The following SLC24A2 variants were observed in gnomAD, a reference collection of about 807,000 sequenced individuals.
SLC24A2 encodes the protein sodium/potassium/calcium exchanger 2.
A neutral mutation model predicts 62.0 loss-of-function variants in SLC24A2; 36 were observed. That is an observed-to-expected ratio of 0.58 (90% confidence interval 0.44 to 0.77). The LOEUF is 0.77. SLC24A2 is among the 30% of genes least tolerant of loss of function. The pLI, the probability that SLC24A2 is intolerant of heterozygous loss-of-function variation, is 0.00. For synonymous variants in SLC24A2, 358 were observed against 294.0 expected, an observed-to-expected ratio of 1.22 and a Z score of -2.23; for missense variants, 846 against 817.9, an observed-to-expected ratio of 1.03 and a Z score of -0.42.
chr9:19,524,371 G>C (rs1586887974), intron 9 of SLC24A2, among the ~76,000 whole-genome samples: 1 of 142,294 alleles, frequency 7.0e-6, no homozygotes, highest in African/African-American at 2.6e-5. Context: ...ATTTATTAAA[G>C]TGCAAAAACA....
intron 2 of SLC24A2, among the ~76,000 whole-genome samples, chr9:19,630,574 C>G (rs1472883836): frequency 6.6e-6 from 1 of 152,020 alleles, no homozygotes; most frequent in African/African-American, 2.4e-5. Flanking sequence ...ATTAATATAG[C>G]AGATTAATTC....
the SLC24A2 span, among the ~76,000 whole-genome samples, chr9:19,959,712 A>T: frequency 2.6e-5 from 4 of 152,204 alleles, no homozygotes; most frequent in Admixed American, 6.5e-5. Context: ...CCTCAAACAC[A>T]AGACTCTTAT....
intron 2 of SLC24A2, among the ~76,000 whole-genome samples, chr9:19,655,877 C>T (rs950082710): frequency 6.6e-6 from 1 of 152,062 alleles, no homozygotes; most frequent in Non-Finnish European, 1.5e-5. Context: ...GTGATGTCTT[C>T]CACAGGTATG....
At chr9:19,725,463 C>A (rs2208548) in intron 2 of SLC24A2, among the ~76,000 whole-genome samples, 2 of 151,974 alleles carry the variant, frequency 1.3e-5, no homozygotes, top group South Asian at 4.1e-4. Context: ...CTTAGGATGA[C>A]ATGCATACAA....
rs1820355173 is a variant in SLC24A2 at position 19,701,486 on chromosome 9, A to G, written c.931-79187T>C. 3.9e-5 allele frequency among the ~76,000 whole-genome samples: 6 copies of G among 152,238 alleles called. No homozygotes were observed. The South Asian group carries it at 1.2e-3, about 31-fold the overall frequency. On this transcript the variant is annotated intron_variant, in intron 2 of 10. Transcript: ENST00000341998. ...GTGGAAGAACTCTGAGCTGTGTTGT[A>G]TTAGTTTCCTACTGTTGCTGTAAAA... is the stretch of plus-strand genomic sequence containing the variant.
the SLC24A2 span, among the ~76,000 whole-genome samples, chr9:19,830,985 G>T: frequency 6.6e-6 from 1 of 152,134 alleles, no homozygotes; most frequent in Non-Finnish European, 1.5e-5. Context: ...GCAGTGTTGC[G>T]ACATCCTCCA....
intron 2 of SLC24A2, among the ~76,000 whole-genome samples, chr9:19,709,691 T>G (rs1370942072): frequency 7.2e-6 from 1 of 138,110 alleles, no homozygotes; most frequent in Non-Finnish European, 1.5e-5. Flanking sequence ...CACTCATAGG[T>G]GCTGAACAAT....
chr9:20,051,910 G>A, the SLC24A2 span, among the ~76,000 whole-genome samples: 2 of 151,876 alleles, frequency 1.3e-5, no homozygotes, highest in Non-Finnish European at 2.9e-5. Flanking sequence ...GTCTTACTGA[G>A]AAGAATCCTT....
chr9:20,218,938 T>C, the SLC24A2 span, among the ~76,000 whole-genome samples: 1 of 152,088 alleles, frequency 6.6e-6, no homozygotes. Context: ...GCAGAATGAT[T>C]TTGTGTATGC....
chr9:20,163,745 C>T, the SLC24A2 span, among the ~76,000 whole-genome samples: 1 of 152,126 alleles, frequency 6.6e-6, no homozygotes, highest in Non-Finnish European at 1.5e-5. Context: ...TACAAGGCTA[C>T]AGTAACCAAA....
chr9:19,932,827 C>T, the SLC24A2 span, among the ~76,000 whole-genome samples: 1 of 152,326 alleles, frequency 6.6e-6, no homozygotes, highest in East Asian at 1.9e-4. Flanking sequence ...GAGAGCCATA[C>T]ACCTTATGCC....
the SLC24A2 span, among the ~76,000 whole-genome samples, chr9:19,829,755 T>TTATA: frequency 3.1e-5 from 4 of 127,520 alleles, no homozygotes; most frequent in African/African-American, 1.1e-4. Flanking sequence ...ACTTAAAGTT[T>TTATA]TATATATATA....
the SLC24A2 span, among the ~76,000 whole-genome samples, chr9:20,234,952 C>G: frequency 6.6e-6 from 1 of 152,184 alleles, no homozygotes; most frequent in Non-Finnish European, 1.5e-5. Flanking sequence ...ACAGACAGGA[C>G]CCTCAGCTGC....
the SLC24A2 span, among the ~76,000 whole-genome samples, chr9:20,208,477 T>G: frequency 6.6e-6 from 1 of 152,334 alleles, no homozygotes; most frequent in South Asian, 2.1e-4. Context: ...GGAGACTGTT[T>G]CCTCAAGTAA....
chr9:19,988,965 C>T, the SLC24A2 span, among the ~76,000 whole-genome samples: 1 of 152,144 alleles, frequency 6.6e-6, no homozygotes, highest in African/African-American at 2.4e-5. Flanking sequence ...AGGAAGCTAA[C>T]TTTCTTAAGT....
At chr9:20,175,889 G>A in the SLC24A2 span, among the ~76,000 whole-genome samples, 1 of 152,010 alleles carries the variant, frequency 6.6e-6, no homozygotes, top group African/African-American at 2.4e-5. Flanking sequence ...TAATTAGACT[G>A]AAGGTTTAAG....
chr9:20,126,437 G>T, the SLC24A2 span, among the ~76,000 whole-genome samples: 1 of 151,504 alleles, frequency 6.6e-6, no homozygotes, highest in African/African-American at 2.4e-5. Flanking sequence ...GCTTCCACTA[G>T]TTTATCCACG....
At chr9:19,809,829 G>A in the SLC24A2 span, among the ~76,000 whole-genome samples, 6 of 151,900 alleles carry the variant, frequency 3.9e-5, no homozygotes, top group Non-Finnish European at 7.4e-5. Flanking sequence ...GCCACCTGCT[G>A]GTCTTTCCTC....
At chr9:19,788,448 C>T (rs1823245038) in intron 1 of SLC24A2, 3 of 946,966 alleles carry the variant, frequency 3.2e-6, no homozygotes, top group Admixed American at 6.2e-5. Flanking sequence ...TCGCCCCCAG[C>T]CGCGCCCCAA....
Sources: gnomAD v4.1 joint callset for allele counts (sites outside exome capture counted in the v4.1 genomes callset) on GRCh38, gnomAD v4.1.1 for gene constraint, MANE v1.5 for transcripts, NCBI Gene and HGNC (gene_info 2026-07-23, HGNC 2026-07-21) for gene names.